The following F13A1 variants were observed in gnomAD, a reference collection of about 807,000 sequenced individuals.
F13A1 encodes the protein FSF, A subunit.
A neutral mutation model predicts 80.1 loss-of-function variants in F13A1; 47 were observed. The ratio of observed to expected loss-of-function variants is 0.59; its 90% CI spans 0.46 to 0.75. F13A1 has a LOEUF of 0.75. Ranked by LOEUF, F13A1 falls within the 30% of genes least tolerant of loss-of-function variation. F13A1 has a pLI of 0.00. For synonymous variants in F13A1, 349 were observed against 344.9 expected, an observed-to-expected ratio of 1.01 and a Z score of -0.13; for missense variants, 817 against 930.4, an observed-to-expected ratio of 0.88 and a Z score of 1.59.
In F13A1 at chr6:6,195,886, C is replaced by G. The variant is rs1271506290; in HGVS notation, c.1217-1G>C. ...GAGGCGGGGCCACACCGATACATGC[C>G]TGCATTGCACAGAGGAAGGGCGGTG... On this transcript the variant is annotated splice_acceptor_variant, in intron 9 of 14. Coordinates refer to ENST00000264870, the MANE Select transcript of F13A1 (RefSeq NM_000129.4). LOFTEE classifies it high-confidence loss of function. 1 of 1,613,954 alleles carries G rather than the reference C, an allele frequency of 6.2e-7. No homozygotes were observed. Among genetic ancestry groups the G allele is most frequent in the Non-Finnish European group, 8.5e-7 (1 of 1,179,962 alleles).
At chr6:6,233,064 C>G (rs567710354) in intron 6 of F13A1, among the ~76,000 whole-genome samples, 1 of 152,102 alleles carries the variant, frequency 6.6e-6, no homozygotes, top group South Asian at 2.1e-4. Context: ...CAAGAACAAA[C>G]AAAACCCTAA....
At chr6:6,201,678 T>C (rs2151083972) in intron 8 of F13A1, among the ~76,000 whole-genome samples, 1 of 152,320 alleles carries the variant, frequency 6.6e-6, no homozygotes, top group Middle Eastern at 3.4e-3. Flanking sequence ...AAGAGGCTAA[T>C]GTTTACAGAC....
chr6:6,294,797 GGTTA>G (rs1185202750), intron 3 of F13A1, among the ~76,000 whole-genome samples: 1 of 150,966 alleles, frequency 6.6e-6, no homozygotes, highest in African/African-American at 2.5e-5. Context: ...ACAATGTGCA[GGTTA>G]GTTACATGTG....
chr6:6,169,617 C>A (rs764144246), intron 12 of F13A1, among the ~76,000 whole-genome samples: 1 of 152,120 alleles, frequency 6.6e-6, no homozygotes, highest in African/African-American at 2.4e-5. Flanking sequence ...GCAATGTTAT[C>A]CCCAGGGGAC....
chr6:6,266,958 ATTACT>A (rs1757854379), intron 3 of F13A1, 149 bp from the exon 4 acceptor site: 2 of 1,150,152 alleles, frequency 1.7e-6, no homozygotes, highest in Non-Finnish European at 2.5e-6. Flanking sequence ...AAGTCTGCAA[ATTACT>A]TTGATTGTAA....
intron 11 of F13A1, among the ~76,000 whole-genome samples, chr6:6,176,022 A>C (rs1374129457): frequency 1.3e-5 from 2 of 152,272 alleles, no homozygotes; most frequent in Non-Finnish European, 2.9e-5. Context: ...AACAGGGCTC[A>C]TGCAGATGTG....
At chr6:6,280,617 A>G (rs1758047345) in intron 3 of F13A1, among the ~76,000 whole-genome samples, 1 of 152,208 alleles carries the variant, frequency 6.6e-6, no homozygotes. Context: ...GAGACCACGG[A>G]TGTAGCTGAA....
rs1757513489 is a variant in F13A1 at position 6,243,450 on chromosome 6, G to A, written c.798+4862C>T. Among the ~76,000 whole-genome samples the A allele has an allele frequency of 6.6e-6, 1 of 152,106 alleles. No individual in the cohort carries two copies. The highest frequency in any genetic ancestry group is 2.4e-5 in the African/African-American group (1 of 41,414). On this transcript the variant is annotated intron_variant, in intron 6 of 14. Coordinates refer to ENST00000264870, the MANE Select transcript of F13A1 (RefSeq NM_000129.4). This position sits in a 1 kb window ranked among gnomAD's most constrained non-coding sequence, Gnocchi z 4.2. ...CATTCTCCAGGGCCCCAGTGCCTAT[G>A]GCTATTTAGAATCCTCTGATTGATA... is the stretch of plus-strand genomic sequence containing the variant.
chr6:6,298,929 T>C lies in F13A1; in HGVS notation c.319+6422A>G, dbSNP rs113125320. Among the ~76,000 whole-genome samples the C allele has an allele frequency of 6.1e-5, 9 of 148,496 alleles. No individual in the cohort carries two copies. The South Asian group carries it at 1.0e-3, about 17-fold the overall frequency. ...GTTTAGCGCTTCCTTCAGGAGCTCTTTTAGGGCAGGCCTGGTGGTGACAAA... is the reference window on the plus strand; with the variant it reads ...GTTTAGCGCTTCCTTCAGGAGCTCTCTTAGGGCAGGCCTGGTGGTGACAAA... On this transcript the variant is annotated intron_variant, in intron 3 of 14. Coordinates refer to ENST00000264870, the MANE Select transcript of F13A1 (RefSeq NM_000129.4).
chr6:6,303,132 A>G (rs1758459483), intron 3 of F13A1, among the ~76,000 whole-genome samples: 1 of 152,162 alleles, frequency 6.6e-6, no homozygotes, highest in Non-Finnish European at 1.5e-5. Flanking sequence ...ACTGAAATCC[A>G]TTTCTGGATT....
chr6:6,236,361 TATA>T (rs1362632944), intron 6 of F13A1, among the ~76,000 whole-genome samples: 2 of 152,128 alleles, frequency 1.3e-5, no homozygotes, highest in East Asian at 3.8e-4. Context: ...GCATCTATAG[TATA>T]ATATTATCTA....
chr6:6,295,987 A>G (rs1758320363), intron 3 of F13A1, among the ~76,000 whole-genome samples: 2 of 141,702 alleles, frequency 1.4e-5, no homozygotes, highest in Admixed American at 1.4e-4. Context: ...TCCCAGCACC[A>G]TTTATTAAAT....
At chr6:6,254,999 A>G (rs1054013144) in intron 4 of F13A1, among the ~76,000 whole-genome samples, 2 of 152,212 alleles carry the variant, frequency 1.3e-5, no homozygotes, top group South Asian at 2.1e-4. Flanking sequence ...TTTAAGAGCA[A>G]TATAGGGTTG....
intron 3 of F13A1, among the ~76,000 whole-genome samples, chr6:6,290,808 G>C (rs910890487): frequency 8.5e-5 from 13 of 152,290 alleles, no homozygotes; most frequent in African/African-American, 3.1e-4. Context: ...CTATATAAAT[G>C]TTGCTTCAAA....
chr6:6,315,467 G>T (rs1758666091), intron 2 of F13A1, among the ~76,000 whole-genome samples: 1 of 151,892 alleles, frequency 6.6e-6, no homozygotes, highest in African/African-American at 2.4e-5. Context: ...ATATCATGGT[G>T]TGTATGAGAG....
chr6:6,145,607 C>A lies in F13A1; in HGVS notation c.*12G>T, dbSNP rs1295030188. 4.3e-6 allele frequency: 7 copies of A among 1,613,980 alleles called. No individual in the cohort carries two copies. The highest frequency in any genetic ancestry group is 5.9e-6 in the Non-Finnish European group (7 of 1,179,982). ...GGCCAAATGCCAGGGTTCATCTCAG[C>A]TTCCTGTGCATTCACATGGAAGGTC... On this transcript the variant is annotated 3_prime_UTR_variant, in exon 15 of 15. Transcript: ENST00000264870.
At chr6:6,223,791 C>T (rs369560258) in intron 7 of F13A1, among the ~76,000 whole-genome samples, 15 of 152,148 alleles carry the variant, frequency 9.9e-5, no homozygotes, top group African/African-American at 3.6e-4. Context: ...CAGCCTCCAA[C>T]CCCTCCCTTT....
At chr6:6,273,117 G>A (rs1583104946) in intron 3 of F13A1, among the ~76,000 whole-genome samples, 1 of 152,106 alleles carries the variant, frequency 6.6e-6, no homozygotes, top group Non-Finnish European at 1.5e-5. Context: ...CACTCTCTTG[G>A]GGTCTGCATC....
intron 10 of F13A1, among the ~76,000 whole-genome samples, chr6:6,190,559 C>G (rs1417711507): frequency 1.3e-5 from 2 of 151,412 alleles, no homozygotes; most frequent in Non-Finnish European, 2.9e-5. Flanking sequence ...CAGGGACCCA[C>G]TTGAGGAGGC....
Sources: gnomAD v4.1 joint callset for allele counts (sites outside exome capture counted in the v4.1 genomes callset) on GRCh38, gnomAD v4.1.1 for gene constraint, Gnocchi (gnomAD v3.1) non-coding constraint, MANE v1.5 for transcripts, NCBI Gene and HGNC (gene_info 2026-07-23, HGNC 2026-07-21) for gene names.